LUZP2: variants seen among roughly 807,000 people sequenced by gnomAD.
LUZP2 encodes leucine zipper protein 2.
LUZP2 carries 52 observed loss-of-function variants against 51.6 expected under a neutral mutation model. The observed-to-expected ratio is 1.01, with a 90% CI of 0.81 to 1.27. LUZP2 has a LOEUF of 1.27. LUZP2 is among the 50% of genes most tolerant of loss of function. The pLI is 0.00. For missense variants in LUZP2, 436 were observed against 395.4 expected, an observed-to-expected ratio of 1.10 and a Z score of -0.87; for synonymous variants, 154 against 137.3, an observed-to-expected ratio of 1.12 and a Z score of -0.85.
chr11:24,712,907 G>A (rs1857891775), intron 1 of LUZP2, among the ~76,000 whole-genome samples: 1 of 152,144 alleles, frequency 6.6e-6, no homozygotes, highest in African/African-American at 2.4e-5. Context: ...GGATTGGTAG[G>A]GGAAGAGTTA....
chr11:24,720,633 G>A (rs753041495), intron 1 of LUZP2, among the ~76,000 whole-genome samples: 2 of 152,150 alleles, frequency 1.3e-5, no homozygotes, highest in Non-Finnish European at 2.9e-5. Flanking sequence ...AGCTCATGTT[G>A]GGAGCTTACT....
At chr11:24,646,630 T>C (rs1480750260) in intron 1 of LUZP2, 2 of 981,316 alleles carry the variant, frequency 2.0e-6, no homozygotes, top group African/African-American at 3.5e-5. Context: ...ATGATTTTCA[T>C]TCATTCCTCT....
At chr11:24,675,717 T>C (rs767622479) in intron 1 of LUZP2, among the ~76,000 whole-genome samples, 33 of 151,926 alleles carry the variant, frequency 2.2e-4, no homozygotes, top group Admixed American at 1.4e-3. Flanking sequence ...AAAAACCTGA[T>C]TGGTCCTTAT....
chr11:25,073,615 T>G (rs552350246), intron 10 of LUZP2, among the ~76,000 whole-genome samples: 1 of 152,306 alleles, frequency 6.6e-6, no homozygotes, highest in East Asian at 1.9e-4. Flanking sequence ...ATTTTAGCTT[T>G]ATTGTTAAAA....
Position 24,787,581 on chromosome 11 carries a change from C to T in LUZP2, c.396+24273C>T, listed in dbSNP as rs191586635. On this transcript the variant is annotated intron_variant, in intron 5 of 11. Coordinates refer to ENST00000336930, the MANE Select transcript of LUZP2 (RefSeq NM_001009909.4). ...GGCAGTGATTGACTGTAGAGTTAAACTCAATTTCTATTTCTGCTATGTTTG... is the reference window on the plus strand; with the variant it reads ...GGCAGTGATTGACTGTAGAGTTAAATTCAATTTCTATTTCTGCTATGTTTG... Among the ~76,000 whole-genome samples, 56 of 152,188 alleles carry T rather than the reference C, an allele frequency of 3.7e-4. No individual in the cohort carries two copies. In the East Asian group the frequency reaches 0.011, roughly 29 times the overall value.
At chr11:25,055,455 T>A (rs879667589) in intron 10 of LUZP2, among the ~76,000 whole-genome samples, 2 of 152,176 alleles carry the variant, frequency 1.3e-5, no homozygotes, top group East Asian at 1.9e-4. Context: ...ATTTCCAGAT[T>A]GTTAATTGCT....
intron 5 of LUZP2, among the ~76,000 whole-genome samples, chr11:24,896,951 T>C (rs1853084189): frequency 6.6e-6 from 1 of 152,210 alleles, no homozygotes; most frequent in Non-Finnish European, 1.5e-5. Context: ...CAGCACTCTG[T>C]GTCTAGCTCA....
intron 4 of LUZP2, among the ~76,000 whole-genome samples, chr11:24,741,908 T>C (rs553553217): frequency 6.8e-4 from 81 of 119,744 alleles, no homozygotes; most frequent in African/African-American, 3.3e-3. Context: ...TATATTTCTA[T>C]ATAATATATA....
chr11:24,988,913 T>A (rs1268949005), intron 9 of LUZP2, among the ~76,000 whole-genome samples: 1 of 151,724 alleles, frequency 6.6e-6, no homozygotes, highest in Admixed American at 6.6e-5. Context: ...TGTTGTGTCC[T>A]CCAAGAAGAC....
At chr11:24,994,356 G>C (rs1048478665) in intron 9 of LUZP2, among the ~76,000 whole-genome samples, 1 of 151,998 alleles carries the variant, frequency 6.6e-6, no homozygotes, top group African/African-American at 2.4e-5. Context: ...TCTGCATGTG[G>C]CATCTTGTTG....
intron 5 of LUZP2, among the ~76,000 whole-genome samples, chr11:24,773,348 A>C (rs1848806709): frequency 6.6e-6 from 1 of 152,112 alleles, no homozygotes; most frequent in Admixed American, 6.6e-5. Context: ...AGAAGTACAG[A>C]TCTCCTTGGT....
chr11:24,688,338 CT>C (rs1353778226), intron 1 of LUZP2, among the ~76,000 whole-genome samples: 5 of 152,190 alleles, frequency 3.3e-5, no homozygotes, highest in African/African-American at 1.2e-4. Flanking sequence ...TACTATGTAG[CT>C]AGAGAATTGT....
intron 5 of LUZP2, among the ~76,000 whole-genome samples, chr11:24,849,701 G>T (rs764175641): frequency 6.6e-6 from 1 of 152,012 alleles, no homozygotes; most frequent in Non-Finnish European, 1.5e-5. Context: ...GAATCACCAT[G>T]CTGTCTTCCA....
At position 25,052,268 on chromosome 11, in the gene LUZP2, G is replaced by A. The variant is rs183470740; in HGVS notation, c.858+2138G>A. Among the ~76,000 whole-genome samples, 119 of 152,284 alleles carry A rather than the reference G, an allele frequency of 7.8e-4. 1 individual carries two copies. Among genetic ancestry groups the A allele is most frequent in the African/African-American group, 2.7e-3 (114 of 41,556 alleles). On this transcript the variant is annotated intron_variant, in intron 10 of 11. Coordinates refer to ENST00000336930, the MANE Select transcript of LUZP2 (RefSeq NM_001009909.4). ...TGAGTAATCGGAATTAGTGGGACATGCATGAACATCAGTTTTCAAGTTCTA... is the reference window on the plus strand; with the variant it reads ...TGAGTAATCGGAATTAGTGGGACATACATGAACATCAGTTTTCAAGTTCTA...
rs3078050 is a variant in LUZP2 at position 24,824,366 on chromosome 11, CAAAAAA to C, written c.396+61080_396+61085del. Among the ~76,000 whole-genome samples the C allele has an allele frequency of 1.0e-3, 28 of 27,576 alleles. 1 individual carries two copies. The highest frequency in any genetic ancestry group is 2.6e-3 in the South Asian group (1 of 378). The allele number at this position is 27,576 out of a possible 152,430, so 18.1% of individuals were successfully genotyped here. A position where few individuals can be genotyped will look rare whatever the true frequency, so the allele number is the denominator to read the frequency against. ...GAGCAAGAAGAGCAAAACCCCATCT[CAAAAAA>C]AAAAAAAAAAAAAAAAAAAAATGAG... is the stretch of plus-strand genomic sequence containing the variant. On this transcript the variant is annotated intron_variant, in intron 5 of 11. Coordinates refer to ENST00000336930, the MANE Select transcript of LUZP2 (RefSeq NM_001009909.4).
At chr11:24,632,813 G>A (rs1854941504) in intron 1 of LUZP2, among the ~76,000 whole-genome samples, 4 of 151,970 alleles carry the variant, frequency 2.6e-5, no homozygotes, top group Admixed American at 2.0e-4. Flanking sequence ...TGATGAGATA[G>A]CCTGAAGTTG....
At chr11:24,789,283 AC>A (rs1012794399) in intron 5 of LUZP2, among the ~76,000 whole-genome samples, 1 of 152,192 alleles carries the variant, frequency 6.6e-6, no homozygotes, top group Non-Finnish European at 1.5e-5. Flanking sequence ...TATATGGTCA[AC>A]TAGGGATGCC....
intron 10 of LUZP2, among the ~76,000 whole-genome samples, chr11:25,074,809 C>A (rs10767308): frequency 2.4e-4 from 36 of 152,070 alleles, no homozygotes; most frequent in Non-Finnish European, 4.1e-4. Flanking sequence ...TTTTAGCAGT[C>A]ACCTCCTGTG....
At chr11:24,658,304 G>A (rs571186670) in intron 1 of LUZP2, among the ~76,000 whole-genome samples, 3 of 152,266 alleles carry the variant, frequency 2.0e-5, no homozygotes, top group African/African-American at 7.2e-5. Flanking sequence ...TGACAAATCT[G>A]ACAAAAACAA....
Sources: allele counts gnomAD v4.1 joint callset (sites outside exome capture counted in the v4.1 genomes callset), GRCh38; gene constraint gnomAD v4.1.1; transcripts MANE v1.5; gene names NCBI Gene and HGNC (gene_info 2026-07-23, HGNC 2026-07-21).